UGT2B17: variants seen among roughly 807,000 people sequenced by gnomAD.
UGT2B17 encodes the protein UDP glucuronosyltransferase family 2 member B17.
UGT2B17 carries 21 observed loss-of-function variants against 48.2 expected under a neutral mutation model. That is an observed-to-expected ratio of 0.44 (90% CI 0.31 to 0.63). The LOEUF (loss-of-function observed/expected upper bound fraction) is 0.63, where lower values mean the gene tolerates loss of function less well. UGT2B17 is among the 20% of genes least tolerant of loss of function. The probability of loss-of-function intolerance (pLI) is 0.08; values close to 1 mark genes in which losing one functional copy is unlikely to be tolerated. For synonymous variants in UGT2B17, 146 were observed against 238.4 expected, an observed-to-expected ratio of 0.61 and a Z score of 3.57; for missense variants, 402 against 696.1, an observed-to-expected ratio of 0.58 and a Z score of 4.75.
Position 68,559,240 on chromosome 4 carries a change from G to A in UGT2B17, c.1005+1297C>T, listed in dbSNP as rs1201437346. ...TTACAAAAGACTAAATACTTAAACT[G>A]CACATATGGTGAGAAATAATGCTAC... On this transcript the variant is annotated intron_variant, in intron 4 of 6. Coordinates refer to ENST00000317746, the MANE Select transcript of UGT2B17 (RefSeq NM_001077.4). Among the ~76,000 whole-genome samples the A allele has an allele frequency of 1.6e-5, 2 of 125,462 alleles. 1 individual carries two copies. The highest frequency in any genetic ancestry group is 3.4e-5 in the Non-Finnish European group (2 of 59,328). The allele number at this position is 125,462 out of a possible 152,430, so 82.3% of individuals were successfully genotyped here. A position where few individuals can be genotyped will look rare whatever the true frequency, so the allele number is the denominator to read the frequency against.
rs978746476 is a variant in UGT2B17, at chr4:68,569,484, A to G, written c.-64-936T>C. Among the ~76,000 whole-genome samples the G allele has an allele frequency of 2.3e-4, 29 of 125,640 alleles. 9 individuals are homozygous for G. The highest frequency in any genetic ancestry group is 3.6e-4 in the South Asian group (1 of 2,786). The allele number at this position is 125,640 out of a possible 152,430, so 82.4% of individuals were successfully genotyped here. A position where few individuals can be genotyped will look rare whatever the true frequency, so the allele number is the denominator to read the frequency against. On this transcript the variant is annotated intron_variant, in intron 1 of 6. Coordinates refer to ENST00000317746, the MANE Select transcript of UGT2B17 (RefSeq NM_001077.4). ...CTGGGAGCTCTCTGGATACCCAAGC[A>G]GCTCATTCCTGCCTGGCACCACAGT... is the stretch of plus-strand genomic sequence containing the variant.
rs1424027036 is a variant in UGT2B17 at position 68,573,843 on chromosome 4, C to T, written c.-65+2108G>A. 4.7e-5 allele frequency among the ~76,000 whole-genome samples: 6 copies of T among 126,808 alleles called. 2 individuals are homozygous for T. The highest frequency in any genetic ancestry group is 8.1e-5 in the African/African-American group (3 of 37,010). 83.2% of individuals were successfully genotyped at this position (126,808 alleles called of 152,430 possible). On this transcript the variant is annotated intron_variant, in intron 1 of 6. Transcript: ENST00000317746. ...AAGGAATGCTAAGTTTCCTCCCTGCCGTGAGAGACAGGAAGTGAACTTAGT... is the reference window on the plus strand; with the variant it reads ...AAGGAATGCTAAGTTTCCTCCCTGCTGTGAGAGACAGGAAGTGAACTTAGT...
chr4:68,564,292 A>ATTTTTTTTT (rs1341012731), intron 3 of UGT2B17, among the ~76,000 whole-genome samples: 5 of 84,974 alleles, frequency 5.9e-5, no homozygotes, highest in African/African-American at 2.9e-4. Context: ...ATATATATAT[A>ATTTTTTTTT]TATTTTTTTT....
In UGT2B17 at chr4:68,568,106, G is replaced by T; in HGVS notation, c.379C>A (p.Leu127Ile). Residue 127 changes from leucine (L) to isoleucine (I), a missense_variant, in exon 2 of 7, where the codon CTC becomes ATC. Physicochemically the swap from Leu to Ile is conservative, Grantham distance 5. Around this residue, in one of 5 missense-constraint regions of UGT2B17, gnomAD observed 84 missense variants for 92.6 expected, o/e 0.91. Transcript: ENST00000317746. ...CWEYSDYNIKLCEDAVLNKKL... is the reference protein window; with the variant it reads ...CWEYSDYNIKICEDAVLNKKL... ...TTGTTCAAAACTGCATCTTCACAGA[G>T]CTTTATATTATAGTCAGAATATTCC... 7.2e-7 allele frequency: 1 copy of T among 1,381,942 alleles called. No homozygotes were observed. The highest frequency in any genetic ancestry group is 9.5e-7 in the Non-Finnish European group (1 of 1,055,186). The allele number at this position is 1,381,942 out of a possible 1,614,324, so 85.6% of individuals were successfully genotyped here.
Position 68,545,208 on chromosome 4 carries a change from A to T in UGT2B17, c.1313+5469T>A, listed in dbSNP as rs570054471. Among the ~76,000 whole-genome samples, 30 of 126,508 alleles carry T rather than the reference A, an allele frequency of 2.4e-4. 11 individuals carry two copies. The South Asian group carries it at 9.7e-3, about 41-fold the overall frequency. 83.0% of individuals were successfully genotyped at this position (126,508 alleles called of 152,430 possible). ...TCCTCAGCAAATGTAAAAGAACAGA[A>T]ATTATAACAAACTATCTCTCAGACC... On this transcript the variant is annotated intron_variant, in intron 6 of 6. Transcript: ENST00000317746.
intron 3 of UGT2B17, among the ~76,000 whole-genome samples, chr4:68,564,053 A>G (rs1369643813): frequency 8.1e-6 from 1 of 124,170 alleles, no homozygotes; most frequent in Non-Finnish European, 1.7e-5. Flanking sequence ...TTTCCACACA[A>G]CACAATATGA....
chr4:68,572,313 C>T (rs1378910067), intron 1 of UGT2B17, among the ~76,000 whole-genome samples: 1 of 125,906 alleles, frequency 7.9e-6, no homozygotes, highest in African/African-American at 2.7e-5. Context: ...ACTTGTGTCA[C>T]ATAGAAAAGG....
In UGT2B17 at chr4:68,567,718, GAAAATTAGAACTT is replaced by G; in HGVS notation, c.724+30_724+42del. The G allele has an allele frequency of 2.4e-6, 3 of 1,234,062 alleles. 1 individual carries two copies. 76.4% of individuals were successfully genotyped at this position (1,234,062 alleles called of 1,614,324 possible). A position where few individuals can be genotyped will look rare whatever the true frequency, so the allele number is the denominator to read the frequency against. ...TATAAGCCCACCTTCAAAGGCACAGGAAAATTAGAACTTAATAAACACCAATTGGACACACGAC... is the reference window on the plus strand; with the variant it reads ...TATAAGCCCACCTTCAAAGGCACAGGAATAAACACCAATTGGACACACGAC... On this transcript the variant is annotated intron_variant, in intron 2 of 6. Transcript: ENST00000317746.
Position 68,565,831 on chromosome 4 carries a change from A to G in UGT2B17, c.725-111T>C, listed in dbSNP as rs568393329. ...AGGACTTGGAATAACATACCTAAAAATATATAAAATGTCTGCACATTGATA... is the reference window on the plus strand; with the variant it reads ...AGGACTTGGAATAACATACCTAAAAGTATATAAAATGTCTGCACATTGATA... On this transcript the variant is annotated intron_variant, in intron 2 of 6. Transcript: ENST00000317746. 2.0e-3 allele frequency: 1,838 copies of G among 902,268 alleles called. 331 individuals carry two copies. Among genetic ancestry groups the G allele is most frequent in the Middle Eastern group, 8.5e-3 (23 of 2,710 alleles). 55.9% of individuals were successfully genotyped at this position (902,268 alleles called of 1,614,324 possible). A position where few individuals can be genotyped will look rare whatever the true frequency, so the allele number is the denominator to read the frequency against.
Position 68,538,381 on chromosome 4 carries a change from C to T in UGT2B17, c.1314-477G>A, listed in dbSNP as rs1205572709. On this transcript the variant is annotated intron_variant, in intron 6 of 6. Transcript: ENST00000317746. ...TCATGAGAAGCTGGGGCTACAGCTG[C>T]GCACCACCATGCCTGGCTATATTTT... 4.0e-5 allele frequency among the ~76,000 whole-genome samples: 5 copies of T among 124,212 alleles called. 1 individual carries two copies. In the Middle Eastern group the frequency reaches 0.016, roughly 388 times the overall value. The allele number at this position is 124,212 out of a possible 152,430, so 81.5% of individuals were successfully genotyped here.
rs532078219 is a variant in UGT2B17, at chr4:68,552,846, T to A, written c.1006-935A>T. On this transcript the variant is annotated intron_variant, in intron 4 of 6. Transcript: ENST00000317746. ...ACAACTCCTTTTTTTTTGTTTTTTATTTTTTTTTGGAGTTTTACTTGCTTC... is the reference window on the plus strand; with the variant it reads ...ACAACTCCTTTTTTTTTGTTTTTTAATTTTTTTTGGAGTTTTACTTGCTTC... Among the ~76,000 whole-genome samples, 33 of 123,580 alleles carry A rather than the reference T, an allele frequency of 2.7e-4. 8 individuals carry two copies. The highest frequency in any genetic ancestry group is 8.8e-4 in the African/African-American group (32 of 36,348). The allele number at this position is 123,580 out of a possible 152,430, so 81.1% of individuals were successfully genotyped here.
chr4:68,548,182 C>A (rs1332767857), intron 6 of UGT2B17, among the ~76,000 whole-genome samples: 1 of 126,484 alleles, frequency 7.9e-6, no homozygotes, highest in African/African-American at 2.7e-5. Context: ...ACCCAAATGT[C>A]CAACAATGAT....
At chr4:68,542,342 G>A (rs1262874415) in intron 6 of UGT2B17, among the ~76,000 whole-genome samples, 1 of 126,012 alleles carries the variant, frequency 7.9e-6, no homozygotes, top group Non-Finnish European at 1.7e-5. Flanking sequence ...GGTTGTCTTG[G>A]CTATATGGGC....
rs1169650755 is a variant in UGT2B17 at position 68,548,985 on chromosome 4, A to G, written c.1313+1692T>C. Among the ~76,000 whole-genome samples the G allele has an allele frequency of 1.6e-5, 2 of 125,550 alleles. 1 individual carries two copies. The highest frequency in any genetic ancestry group is 3.4e-5 in the Non-Finnish European group (2 of 59,390). The allele number at this position is 125,550 out of a possible 152,430, so 82.4% of individuals were successfully genotyped here. On this transcript the variant is annotated intron_variant, in intron 6 of 6. Coordinates refer to ENST00000317746, the MANE Select transcript of UGT2B17 (RefSeq NM_001077.4). The stretch of plus-strand genomic sequence containing the variant: ...TAACTTCTTCTCTTTCTATTTATAG[A>G]ATACCCTTTATTTCTTTTTCTTGCC...
chr4:68,558,878 G>C (rs1189456072), intron 4 of UGT2B17, among the ~76,000 whole-genome samples: 1 of 125,410 alleles, frequency 8.0e-6, no homozygotes, highest in Non-Finnish European at 1.7e-5. Context: ...TGCCTCCTTT[G>C]GAGAGCCTAA....
At chr4:68,561,167 T>C (rs1364459978) in intron 3 of UGT2B17, among the ~76,000 whole-genome samples, 1 of 123,340 alleles carries the variant, frequency 8.1e-6, no homozygotes, top group Non-Finnish European at 1.7e-5. Context: ...TGAGGAAAAG[T>C]TAGTTACAAT....
At position 68,562,756 on chromosome 4, in the gene UGT2B17, A is replaced by T. The variant is rs1172830463; in HGVS notation, c.874-2088T>A. On this transcript the variant is annotated intron_variant, in intron 3 of 6. Transcript: ENST00000317746. ...AATTTAAAATGTGTACCATTTCATT[A>T]TGGTTTTAATTCTATTTATATAACT... Among the ~76,000 whole-genome samples, 11 of 126,344 alleles carry T rather than the reference A, an allele frequency of 8.7e-5. 4 individuals carry two copies. Among genetic ancestry groups the T allele is most frequent in the African/African-American group, 3.0e-4 (11 of 37,016 alleles). 82.9% of individuals were successfully genotyped at this position (126,344 alleles called of 152,430 possible). A position where few individuals can be genotyped will look rare whatever the true frequency, so the allele number is the denominator to read the frequency against.
chr4:68,550,580 C>A, intron 6 of UGT2B17, 97 bp downstream of exon 6: 1 of 962,718 alleles, frequency 1.0e-6, no homozygotes, highest in Non-Finnish European at 1.4e-6. Context: ...ACTTCAATCC[C>A]TTCAAAATTA....
At chr4:68,552,685 G>A (rs759006298) in intron 4 of UGT2B17, among the ~76,000 whole-genome samples, 4 of 125,578 alleles carry the variant, frequency 3.2e-5, no homozygotes, top group Admixed American at 8.2e-5. Flanking sequence ...TAAATGTCCT[G>A]TCAGTGCTTG....
Sources: allele counts gnomAD v4.1 joint callset (sites outside exome capture counted in the v4.1 genomes callset), GRCh38; gene constraint gnomAD v4.1.1; regional missense constraint gnomAD v4.1.1; transcripts MANE v1.5; gene names NCBI Gene and HGNC (gene_info 2026-07-23, HGNC 2026-07-21).